Variants in SLC2A1 observed in about 807,000 individuals in gnomAD.
SLC2A1 encodes solute carrier family 2, facilitated glucose transporter member 1.
In SLC2A1, 4 loss-of-function variants were observed where a neutral mutation model predicts 46.6. That is an observed-to-expected ratio of 0.09 (90% CI 0.04 to 0.20). The LOEUF (loss-of-function observed/expected upper bound fraction) is 0.20. SLC2A1 is among the 10% of genes least tolerant of loss of function. SLC2A1 has a pLI of 1.00. For synonymous variants in SLC2A1, 253 were observed against 270.0 expected (o/e 0.94, Z 0.62); for missense variants, 352 against 667.0 (o/e 0.53, Z 5.20).
intron 1 of SLC2A1, 47 bp downstream of exon 1, chr1:42,958,587 T>G: frequency 1.3e-6 from 2 of 1,500,622 alleles, no homozygotes; most frequent in Non-Finnish European, 1.8e-6. Flanking sequence ...CGGGCAGGAG[T>G]CTGCGCCTTT....
intron 1 of SLC2A1, among the ~76,000 whole-genome samples, chr1:42,944,832 A>G (rs1260638086): frequency 6.6e-6 from 1 of 151,906 alleles, no homozygotes; most frequent in Non-Finnish European, 1.5e-5. Context: ...CCCTCATACC[A>G]CAGGGACTCC....
intron 1 of SLC2A1, among the ~76,000 whole-genome samples, chr1:42,943,661 C>CT (rs1008473236): frequency 3.3e-5 from 5 of 152,128 alleles, no homozygotes; most frequent in African/African-American, 1.2e-4. Flanking sequence ...TCTAGACTCT[C>CT]TGACTGGGAG....
At chr1:42,940,214 T>A (rs1643583206) in intron 2 of SLC2A1, among the ~76,000 whole-genome samples, 1 of 152,216 alleles carries the variant, frequency 6.6e-6, no homozygotes, top group Non-Finnish European at 1.5e-5. Flanking sequence ...CTCCACCCTT[T>A]CTCATCTGCC....
At chr1:42,942,403 T>TCCTACCC (rs1466831023) in intron 2 of SLC2A1, among the ~76,000 whole-genome samples, 142 of 152,098 alleles carry the variant, frequency 9.3e-4, no homozygotes, top group African/African-American at 3.3e-3. Flanking sequence ...TGTCCCTGCC[T>TCCTACCC]CCTACCCCCT....
chr1:42,953,138 C>T (rs1258236141), intron 1 of SLC2A1, among the ~76,000 whole-genome samples: 1 of 152,236 alleles, frequency 6.6e-6, no homozygotes, highest in Non-Finnish European at 1.5e-5. Context: ...ACTTCCTGTC[C>T]AGCAGAGGCC....
intron 1 of SLC2A1, chr1:42,952,310 C>G: frequency 2.2e-6 from 1 of 455,908 alleles, no homozygotes; most frequent in South Asian, 1.6e-5. Context: ...GCACTGTGTC[C>G]CCCACAGTGC....
intron 2 of SLC2A1, among the ~76,000 whole-genome samples, chr1:42,941,309 C>A (rs1161325129): frequency 3.9e-5 from 6 of 152,196 alleles, no homozygotes; most frequent in Non-Finnish European, 5.9e-5. Context: ...CCGTGCCATA[C>A]TCACAAGGCC....
chr1:42,933,090 G>A (rs1043344176), intron 2 of SLC2A1, among the ~76,000 whole-genome samples: 1 of 152,200 alleles, frequency 6.6e-6, no homozygotes, highest in African/African-American at 2.4e-5. Context: ...TTTCTAAAGT[G>A]CAGACATTAG....
intron 2 of SLC2A1, among the ~76,000 whole-genome samples, chr1:42,942,588 C>A (rs1036139665): frequency 6.6e-6 from 1 of 151,556 alleles, no homozygotes; most frequent in African/African-American, 2.4e-5. Flanking sequence ...TAGGGCAAGA[C>A]GCCATTTCTG....
At chr1:42,931,827 C>CAAAA (rs35734592) in intron 2 of SLC2A1, among the ~76,000 whole-genome samples, 9 of 106,232 alleles carry the variant, frequency 8.5e-5, no homozygotes, top group East Asian at 3.0e-4. Flanking sequence ...CTCTATGTCT[C>CAAAA]AAAAAAAAAA....
intron 2 of SLC2A1, chr1:42,942,994 C>T (rs1643613490): frequency 1.7e-6 from 1 of 596,882 alleles, no homozygotes; most frequent in South Asian, 1.9e-5. Context: ...AGGGCCTATA[C>T]AAGACCCCAG....
rs1643618927 is a variant in SLC2A1 at position 42,943,453 on chromosome 1, G to A, written c.19-132C>T. ...TGGCACCACACCAGTCTTTCTCCCAGGAAACTTGGCCAATTCCTGACCTTA... is the reference window on the plus strand; with the variant it reads ...TGGCACCACACCAGTCTTTCTCCCAAGAAACTTGGCCAATTCCTGACCTTA... On this transcript the variant is annotated intron_variant, in intron 1 of 9. Coordinates refer to ENST00000426263, the MANE Select transcript of SLC2A1 (RefSeq NM_006516.4). The A allele has an allele frequency of 5.2e-6, 4 of 771,484 alleles. No homozygotes were observed. The Middle Eastern group carries it at 8.9e-4, about 171-fold the overall frequency. 47.8% of individuals were successfully genotyped at this position (771,484 alleles called of 1,614,324 possible). A position where few individuals can be genotyped will look rare whatever the true frequency, so the allele number is the denominator to read the frequency against.
chr1:42,951,816 G>A (rs1188727383), intron 1 of SLC2A1: 2 of 399,122 alleles, frequency 5.0e-6, no homozygotes, highest in Non-Finnish European at 8.8e-6. Context: ...GCAAGGAAGT[G>A]TCAGACCACA....
At chr1:42,951,664 T>A (rs1389153382) in intron 1 of SLC2A1, 1 of 395,950 alleles carries the variant, frequency 2.5e-6, no homozygotes, top group South Asian at 1.4e-4. Context: ...CTGTAACTTC[T>A]GAAGCTTTTT....
Position 42,931,138 on chromosome 1 carries a change from G to A in SLC2A1, c.183C>T (p.Leu61=). ...CCACTGAGAGGGACCAGAGCGTGGT[G>A]AGCGTGGTGGGCAGGATGCTCTCCC... ...RYGESILPTT[L]TTLWSLSVAI... The change falls in exon 3 of 10, where the codon CTC becomes CTT. Residue 61 remains leucine (L), a synonymous_variant. Coordinates refer to ENST00000426263, the MANE Select transcript of SLC2A1 (RefSeq NM_006516.4). 1.9e-6 allele frequency: 3 copies of A among 1,614,174 alleles called. No homozygotes were observed. Among genetic ancestry groups the A allele is most frequent in the Non-Finnish European group, 2.5e-6 (3 of 1,180,012 alleles).
intron 2 of SLC2A1, among the ~76,000 whole-genome samples, chr1:42,942,589 G>A (rs574780146): frequency 1.3e-5 from 2 of 151,702 alleles, no homozygotes; most frequent in African/African-American, 2.4e-5. Flanking sequence ...AGGGCAAGAC[G>A]CCATTTCTGC....
intron 2 of SLC2A1, among the ~76,000 whole-genome samples, chr1:42,939,046 G>A (rs1337859874): frequency 1.3e-5 from 2 of 152,238 alleles, no homozygotes; most frequent in African/African-American, 4.8e-5. Flanking sequence ...TCTCCTTACT[G>A]TCTAGGACCG....
intron 2 of SLC2A1, among the ~76,000 whole-genome samples, chr1:42,933,316 C>T (rs3768029): frequency 0.43 from 64,705 of 151,914 alleles, 14,243 homozygotes; most frequent in Non-Finnish European, 0.48. Flanking sequence ...TACACACCAT[C>T]TCCCACCCCT....
At chr1:42,957,819 A>G (rs781418600) in intron 1 of SLC2A1, among the ~76,000 whole-genome samples, 9 of 152,028 alleles carry the variant, frequency 5.9e-5, no homozygotes, top group Non-Finnish European at 8.8e-5. Flanking sequence ...GCTTCCCGCT[A>G]GACTTCAGCC....
Sources: allele counts gnomAD v4.1 joint callset (sites outside exome capture counted in the v4.1 genomes callset), GRCh38; gene constraint gnomAD v4.1.1; transcripts MANE v1.5; gene names NCBI Gene and HGNC (gene_info 2026-07-23, HGNC 2026-07-21).